Variants in MEF2A observed in about 807,000 individuals in gnomAD.
MEF2A encodes myocyte enhancer factor 2A.
MEF2A carries 28 observed loss-of-function variants against 55.8 expected under a neutral mutation model. That is an observed-to-expected ratio of 0.50 (90% confidence interval 0.37 to 0.69). The LOEUF (loss-of-function observed/expected upper bound fraction) is 0.69, where lower values mean the gene tolerates loss of function less well. Among genes scored for constraint, MEF2A ranks in the 30% least tolerant of loss-of-function variants. The pLI, the probability that MEF2A is intolerant of heterozygous loss-of-function variation, is 0.00. For synonymous variants in MEF2A, 239 were observed against 227.1 expected, an observed-to-expected ratio of 1.05 and a Z score of -0.47; for missense variants, 528 against 626.2, an observed-to-expected ratio of 0.84 and a Z score of 1.67.
chr15:99,617,662 T>G (rs1386789773), intron 2 of MEF2A, among the ~76,000 whole-genome samples: 2 of 152,176 alleles, frequency 1.3e-5, no homozygotes, highest in African/African-American at 4.8e-5. Flanking sequence ...GTTCCAGGGT[T>G]GGTTAACTCC....
intron 4 of MEF2A, among the ~76,000 whole-genome samples, chr15:99,662,012 T>C (rs1334453535): frequency 1.3e-5 from 2 of 152,216 alleles, no homozygotes; most frequent in Admixed American, 1.3e-4. Flanking sequence ...TAATGCTGAA[T>C]AGTGTACTGT....
intron 8 of MEF2A, among the ~76,000 whole-genome samples, chr15:99,696,318 A>G (rs187467102): frequency 1.3e-5 from 2 of 152,342 alleles, no homozygotes; most frequent in East Asian, 3.9e-4. Context: ...ACTTTTCACA[A>G]GTGCACATGG....
At chr15:99,643,429 A>C (rs1294802887) in intron 3 of MEF2A, among the ~76,000 whole-genome samples, 1 of 152,138 alleles carries the variant, frequency 6.6e-6, no homozygotes, top group Non-Finnish European at 1.5e-5. Context: ...TCTTCTAGGC[A>C]TATACTCATG....
At chr15:99,686,508 C>T (rs147350425) in intron 7 of MEF2A, among the ~76,000 whole-genome samples, 120 of 152,214 alleles carry the variant, frequency 7.9e-4, no homozygotes, top group African/African-American at 2.6e-3. Flanking sequence ...AACTCTTGAC[C>T]GGCAATTATT....
At chr15:99,675,184 G>C (rs1183732998) in intron 6 of MEF2A, among the ~76,000 whole-genome samples, 1 of 152,030 alleles carries the variant, frequency 6.6e-6, no homozygotes, top group Non-Finnish European at 1.5e-5. Context: ...TATTGAAGGC[G>C]ACATCAAGCT....
chr15:99,700,585 T>C (rs1474891392), intron 8 of MEF2A, among the ~76,000 whole-genome samples: 2 of 152,300 alleles, frequency 1.3e-5, no homozygotes, highest in East Asian at 3.9e-4. Flanking sequence ...CTCTGTTTGC[T>C]GAGAGGTCTG....
At chr15:99,665,807 A>G (rs1168694137) in intron 4 of MEF2A, among the ~76,000 whole-genome samples, 2 of 151,858 alleles carry the variant, frequency 1.3e-5, no homozygotes, top group African/African-American at 4.8e-5. Context: ...AAAAGAAGAC[A>G]TTTATGCAGC....
intron 2 of MEF2A, among the ~76,000 whole-genome samples, chr15:99,608,512 A>T (rs1376521886): frequency 6.6e-6 from 1 of 152,226 alleles, no homozygotes. Context: ...CATGTTTTAG[A>T]TTTTTAGATG....
chr15:99,637,233 A>AT (rs1298338867), intron 3 of MEF2A, among the ~76,000 whole-genome samples: 20 of 150,734 alleles, frequency 1.3e-4, no homozygotes, highest in Non-Finnish European at 4.4e-5. Context: ...GAATTTAGAT[A>AT]TTTTTTTTCC....
At chr15:99,614,239 C>T (rs1344965976) in intron 2 of MEF2A, among the ~76,000 whole-genome samples, 1 of 152,200 alleles carries the variant, frequency 6.6e-6, no homozygotes, top group South Asian at 2.1e-4. Flanking sequence ...ACCTTCCCTT[C>T]TGCAGTTCAG....
intron 4 of MEF2A, among the ~76,000 whole-genome samples, chr15:99,665,496 T>C (rs2862870): frequency 0.65 from 98,969 of 151,556 alleles, 35,702 homozygotes; most frequent in Middle Eastern, 0.87. Context: ...AAAATCTAAG[T>C]AGTACCGTTC....
intron 3 of MEF2A, among the ~76,000 whole-genome samples, chr15:99,636,203 GTTCAC>G (rs758601480): frequency 2.6e-5 from 4 of 152,002 alleles, no homozygotes; most frequent in African/African-American, 4.8e-5. Flanking sequence ...TGACTAGTCT[GTTCAC>G]TTCATTTTGT....
chr15:99,635,361 A>T (rs1294854402), intron 3 of MEF2A, among the ~76,000 whole-genome samples: 1 of 152,232 alleles, frequency 6.6e-6, no homozygotes, highest in Non-Finnish European at 1.5e-5. Context: ...TGACAGTATC[A>T]TAGACTTAAA....
At chr15:99,610,163 A>T (rs562584289) in intron 2 of MEF2A, among the ~76,000 whole-genome samples, 2 of 152,148 alleles carry the variant, frequency 1.3e-5, no homozygotes, top group Admixed American at 1.3e-4. Flanking sequence ...AAATGAAATT[A>T]TGAAAATTAT....
chr15:99,712,648 C>T lies in MEF2A; in HGVS notation c.1395C>T (p.Gly465=). 1 of 1,554,096 alleles carries T rather than the reference C, an allele frequency of 6.4e-7. No individual in the cohort carries two copies. Among genetic ancestry groups the T allele is most frequent in the Middle Eastern group, 1.7e-4 (1 of 5,994 alleles). The stretch of plus-strand genomic sequence containing the variant: ...GCAGCTCTAGTAGCTCCTATGATGG[C>T]AGTGATCGGGAGGATCCACGGGGCG... ...SLSSSSSSYD[G]SDREDPRGDF... Residue 465 remains glycine, a synonymous_variant, in exon 12 of 12, where the codon GGC becomes GGT. Transcript: ENST00000557942. This position sits in a 1 kb window ranked among gnomAD's most constrained non-coding sequence, Gnocchi z 4.1.
At chr15:99,589,738 C>G (rs1253489318) in intron 1 of MEF2A, among the ~76,000 whole-genome samples, 5 of 151,904 alleles carry the variant, frequency 3.3e-5, no homozygotes, top group Non-Finnish European at 7.4e-5. Flanking sequence ...TTTATTTGAT[C>G]CATGAGTTAT....
intron 3 of MEF2A, among the ~76,000 whole-genome samples, chr15:99,635,893 T>C (rs1354142881): frequency 6.6e-6 from 1 of 152,356 alleles, no homozygotes; most frequent in East Asian, 1.9e-4. Flanking sequence ...TAATTTTGAA[T>C]ATTCTCGATA....
At chr15:99,699,839 CA>C (rs2057103176) in intron 8 of MEF2A, among the ~76,000 whole-genome samples, 1 of 151,454 alleles carries the variant, frequency 6.6e-6, no homozygotes, top group Non-Finnish European at 1.5e-5. Flanking sequence ...TAAAGGCAGC[CA>C]GGTTTCTCAT....
intron 9 of MEF2A, among the ~76,000 whole-genome samples, chr15:99,705,986 C>T (rs1462048002): frequency 1.3e-5 from 2 of 152,236 alleles, no homozygotes; most frequent in African/African-American, 4.8e-5. Context: ...CAATGACTGT[C>T]TTAGACTAAC....
Sources: gnomAD v4.1 joint callset for allele counts (sites outside exome capture counted in the v4.1 genomes callset) on GRCh38, gnomAD v4.1.1 for gene constraint, Gnocchi (gnomAD v3.1) non-coding constraint, MANE v1.5 for transcripts, NCBI Gene and HGNC (gene_info 2026-07-23, HGNC 2026-07-21) for gene names.